Variants in KIF3C observed in about 807,000 individuals in gnomAD.
KIF3C encodes the protein kinesin-like protein KIF3C.
KIF3C carries 12 observed loss-of-function variants against 67.7 expected under a neutral mutation model. That is an observed-to-expected ratio of 0.18 (90% CI 0.11 to 0.29). The LOEUF (loss-of-function observed/expected upper bound fraction) is 0.29. Among genes scored for constraint, KIF3C ranks in the 10% least tolerant of loss-of-function variants. KIF3C has a pLI of 1.00. For missense variants in KIF3C, 789 were observed against 1,059.6 expected (o/e 0.74, Z 3.55); for synonymous variants, 393 against 426.2 (o/e 0.92, Z 0.96).
At position 25,981,052 on chromosome 2, in the gene KIF3C, T is replaced by C. The variant is rs781595980; in HGVS notation, c.866A>G (p.Glu289Gly). Residue 289 changes from glutamate to glycine, a missense_variant, in exon 1 of 8, where the codon GAA becomes GGA. Physicochemically the swap from Glu to Gly is moderately conservative, Grantham distance 98. Transcript: ENST00000264712. The surrounding 1 kb of genome is among the most constrained non-coding windows in gnomAD (Gnocchi z 8.2). ...GGGAGGERPKEASKINLSLSA... is the reference protein window; with the variant it reads ...GGGAGGERPKGASKINLSLSA... ...TAATGAGAGGTTGATTTTGGAGGCTTCCTTAGGCCTCTCTCCACCAGCACC... is the reference window on the plus strand; with the variant it reads ...TAATGAGAGGTTGATTTTGGAGGCTCCCTTAGGCCTCTCTCCACCAGCACC... 8 of 1,614,112 alleles carry C rather than the reference T, an allele frequency of 5.0e-6. 1 individual carries two copies. The South Asian group carries it at 8.8e-5, about 18-fold the overall frequency.
intron 1 of KIF3C, among the ~76,000 whole-genome samples, chr2:25,965,881 G>C (rs2149239781): frequency 6.6e-6 from 1 of 152,134 alleles, no homozygotes; most frequent in South Asian, 2.1e-4. Flanking sequence ...TTCTAAACAA[G>C]TCCAGTGTAA....
At chr2:25,945,695 C>T (rs1372429613) in intron 5 of KIF3C, among the ~76,000 whole-genome samples, 1 of 151,750 alleles carries the variant, frequency 6.6e-6, no homozygotes, top group Non-Finnish European at 1.5e-5. Context: ...TCAAGACCAG[C>T]CCAGGCAACA....
chr2:25,954,169 G>C (rs1461946851), intron 4 of KIF3C, 98 bp downstream of exon 4: 3 of 868,872 alleles, frequency 3.5e-6, no homozygotes, highest in Admixed American at 3.5e-5. Flanking sequence ...AGGACTCATG[G>C]GAGAGGAGAC....
chr2:25,946,622 A>G (rs1447739569), intron 5 of KIF3C, among the ~76,000 whole-genome samples: 1 of 152,182 alleles, frequency 6.6e-6, no homozygotes, highest in Non-Finnish European at 1.5e-5. Context: ...CGGGAGGCGG[A>G]GGTTGCAGTG....
At chr2:25,938,436 C>A in intron 5 of KIF3C, 1 of 361,784 alleles carries the variant, frequency 2.8e-6, no homozygotes, top group Non-Finnish European at 5.5e-6. Context: ...GGGGTTCCCC[C>A]CAAGGACTCT....
intron 1 of KIF3C, among the ~76,000 whole-genome samples, chr2:25,963,053 TATAA>T (rs1434634235): frequency 1.6e-4 from 13 of 80,268 alleles, no homozygotes; most frequent in Non-Finnish European, 2.2e-4. Context: ...TATATAAATA[TATAA>T]ATATATATAC....
chr2:25,961,940 T>A (rs1663954054), intron 1 of KIF3C, among the ~76,000 whole-genome samples: 2 of 117,614 alleles, frequency 1.7e-5, no homozygotes, highest in Admixed American at 9.9e-5. Flanking sequence ...AGAATGAGAC[T>A]CCATCTCAAA....
chr2:25,935,869 A>G (rs1663095245), intron 5 of KIF3C, among the ~76,000 whole-genome samples: 1 of 151,832 alleles, frequency 6.6e-6, no homozygotes, highest in African/African-American at 2.4e-5. Flanking sequence ...CGAGGTCAGG[A>G]GATTGAGACC....
intron 5 of KIF3C, among the ~76,000 whole-genome samples, chr2:25,939,273 C>T (rs118063266): frequency 1.3e-5 from 2 of 152,098 alleles, no homozygotes; most frequent in African/African-American, 4.8e-5. Flanking sequence ...TGGCCTCCCC[C>T]TCTTGTTCTG....
At position 25,926,732 on chromosome 2, in the gene KIF3C, C is replaced by G. The variant is rs2090413008; in HGVS notation, c.*2246G>C. ...AGGCCTCCATCCGAAGCCAAGGGGA[C>G]AGAGGGGAATGTTTTATATATATAT... is the stretch of plus-strand genomic sequence containing the variant. On this transcript the variant is annotated 3_prime_UTR_variant, in exon 8 of 8. Transcript: ENST00000264712. 6.6e-6 allele frequency: 1 copy of G among 152,110 alleles called. No homozygotes were observed. Among genetic ancestry groups the G allele is most frequent in the Admixed American group, 6.6e-5 (1 of 15,244 alleles). 9.4% of individuals were successfully genotyped at this position (152,110 alleles called of 1,614,324 possible). A position where few individuals can be genotyped will look rare whatever the true frequency, so the allele number is the denominator to read the frequency against.
chr2:25,929,916 TC>T (rs1169857999), intron 6 of KIF3C, 38 bp downstream of exon 6: 1 of 1,441,716 alleles, frequency 6.9e-7, no homozygotes, highest in South Asian at 1.1e-5. Context: ...TCGCCCGGCC[TC>T]CCTCCCGTAG....
At chr2:25,938,616 G>A (rs1182976101) in intron 5 of KIF3C, among the ~76,000 whole-genome samples, 1 of 152,146 alleles carries the variant, frequency 6.6e-6, no homozygotes, top group South Asian at 2.1e-4. Context: ...GGTGGCATGT[G>A]GGAGAGAAGG....
intron 5 of KIF3C, among the ~76,000 whole-genome samples, chr2:25,939,527 C>T (rs548590042): frequency 8.5e-5 from 13 of 152,326 alleles, no homozygotes; most frequent in African/African-American, 1.9e-4. Context: ...TCTCACAGGT[C>T]TGTGAAGAAA....
intron 1 of KIF3C, among the ~76,000 whole-genome samples, chr2:25,967,872 C>T (rs547923151): frequency 1.3e-5 from 2 of 152,126 alleles, no homozygotes; most frequent in African/African-American, 2.4e-5. Flanking sequence ...AAACAACCAG[C>T]GAGTTTGAGA....
intron 5 of KIF3C, among the ~76,000 whole-genome samples, chr2:25,947,460 A>C (rs1440516142): frequency 6.6e-6 from 1 of 151,782 alleles, no homozygotes; most frequent in African/African-American, 2.4e-5. Context: ...AGGCACCTGT[A>C]GTCCCAGCTA....
At chr2:25,959,453 G>T (rs1450158651) in intron 1 of KIF3C, among the ~76,000 whole-genome samples, 1 of 152,096 alleles carries the variant, frequency 6.6e-6, no homozygotes, top group Non-Finnish European at 1.5e-5. Flanking sequence ...TTGTCCCAGA[G>T]TGGGTTCCAG....
intron 1 of KIF3C, among the ~76,000 whole-genome samples, chr2:25,969,310 C>G (rs920576072): frequency 6.6e-6 from 1 of 152,116 alleles, no homozygotes; most frequent in African/African-American, 2.4e-5. Context: ...ATGTCCCCCC[C>G]GTCTTTTTTA....
Position 25,929,247 on chromosome 2 carries a change from G to A in KIF3C, c.2288+58C>T, listed in dbSNP as rs888685704. The A allele has an allele frequency of 8.3e-5, 129 of 1,562,862 alleles. No homozygotes were observed. The Middle Eastern group carries it at 1.0e-3, about 12-fold the overall frequency. Reference sequence around the variant, plus strand: ...AAAACCCTCTTTAGCATCACCCAGCGCCTGCAGTTCCCCTGCCTCCTGGGT... The same window carrying A: ...AAAACCCTCTTTAGCATCACCCAGCACCTGCAGTTCCCCTGCCTCCTGGGT... On this transcript the variant is annotated intron_variant, in intron 7 of 7. Coordinates refer to ENST00000264712, the MANE Select transcript of KIF3C (RefSeq NM_002254.8).
At position 25,954,261 on chromosome 2, in the gene KIF3C, C is replaced by T. The variant is rs575718244; in HGVS notation, c.1889+6G>A. On this transcript the variant is annotated splice_donor_region_variant and intron_variant, in intron 4 of 7. Transcript: ENST00000264712. ...GACCCGGGATGAAAAGAGCTGCGGG[C>T]CCTACTTGAGCTTGAGTTCGCGGGT... The T allele has an allele frequency of 3.7e-6, 6 of 1,606,820 alleles. No individual in the cohort carries two copies. In the Middle Eastern group the frequency reaches 5.0e-4, roughly 133 times the overall value.
Sources: allele counts gnomAD v4.1 joint callset (sites outside exome capture counted in the v4.1 genomes callset), GRCh38; gene constraint gnomAD v4.1.1; non-coding constraint Gnocchi (gnomAD v3.1); transcripts MANE v1.5; gene names NCBI Gene and HGNC (gene_info 2026-07-23, HGNC 2026-07-21).